RANBP2: variants seen among roughly 807,000 people sequenced by gnomAD.
RANBP2 encodes the protein E3 SUMO-protein ligase RanBP2.
RANBP2 carries 57 observed loss-of-function variants against 303.6 expected under a neutral mutation model. The observed-to-expected ratio is 0.19, with a 90% CI of 0.15 to 0.23. The LOEUF is 0.23. Ranked by LOEUF, RANBP2 falls within the 10% of genes least tolerant of loss-of-function variation. The probability of loss-of-function intolerance (pLI) is 1.00; values close to 1 mark genes in which losing one functional copy is unlikely to be tolerated. For synonymous variants in RANBP2, 1,167 were observed against 1,301.5 expected (o/e 0.90, Z 2.23); for missense variants, 3,138 against 3,780.8 (o/e 0.83, Z 4.46).
At chr2:109,574,762 T>C in the RANBP2 span, 3 of 1,570,634 alleles carry the variant, frequency 1.9e-6, no homozygotes, top group Non-Finnish European at 2.6e-6. Context: ...AACTATTGGT[T>C]GGTAGCTGAA....
At chr2:109,056,848 T>C in the RANBP2 span, among the ~76,000 whole-genome samples, 1 of 152,296 alleles carries the variant, frequency 6.6e-6, no homozygotes, top group Admixed American at 6.5e-5. Context: ...GTAGGAACAG[T>C]TGTACATGGT....
chr2:108,771,656 T>C, intron 20 of RANBP2, 45 bp from the exon 21 acceptor site: 1 of 1,604,208 alleles, frequency 6.2e-7, no homozygotes, highest in Non-Finnish European at 8.5e-7. Context: ...TTAACGTCAA[T>C]ACTTAATACC....
the RANBP2 span, among the ~76,000 whole-genome samples, chr2:109,198,557 T>A: frequency 6.6e-6 from 1 of 152,210 alleles, no homozygotes; most frequent in Non-Finnish European, 1.5e-5. Context: ...TGTTTGTTTC[T>A]CATAGTCCTG....
chr2:109,272,515 A>G, the RANBP2 span, among the ~76,000 whole-genome samples: 1 of 152,180 alleles, frequency 6.6e-6, no homozygotes, highest in Non-Finnish European at 1.5e-5. Flanking sequence ...TGCTGCACTC[A>G]CAGGGGCCGA....
chr2:108,974,268 T>C, the RANBP2 span, among the ~76,000 whole-genome samples: 1 of 138,138 alleles, frequency 7.2e-6, no homozygotes. Context: ...AGGCGGAGCT[T>C]GCAGTGAGCT....
At chr2:109,437,659 A>G in the RANBP2 span, among the ~76,000 whole-genome samples, 1 of 151,736 alleles carries the variant, frequency 6.6e-6, no homozygotes, top group Non-Finnish European at 1.5e-5. Flanking sequence ...CCCTTTCTGA[A>G]GTGCTCTGAG....
At chr2:109,148,616 A>C in the RANBP2 span, among the ~76,000 whole-genome samples, 1 of 152,214 alleles carries the variant, frequency 6.6e-6, no homozygotes, top group Non-Finnish European at 1.5e-5. Flanking sequence ...TGTATAATTA[A>C]AGATGGCATT....
the RANBP2 span, among the ~76,000 whole-genome samples, chr2:108,924,594 T>C: frequency 2.0e-5 from 3 of 152,212 alleles, no homozygotes; most frequent in African/African-American, 7.2e-5. Context: ...CTGACGGTAG[T>C]GCTAAGCAGC....
the RANBP2 span, among the ~76,000 whole-genome samples, chr2:108,924,240 C>T: frequency 6.6e-6 from 1 of 152,254 alleles, no homozygotes; most frequent in African/African-American, 2.4e-5. Context: ...GGCTATATGA[C>T]TGCTCAGGTC....
chr2:109,633,746 G>A, the RANBP2 span, among the ~76,000 whole-genome samples: 10 of 152,198 alleles, frequency 6.6e-5, no homozygotes, highest in Non-Finnish European at 1.5e-4. Flanking sequence ...GAAGCTGGGG[G>A]AAATGAATGA....
At chr2:109,631,224 C>T in the RANBP2 span, among the ~76,000 whole-genome samples, 2 of 151,964 alleles carry the variant, frequency 1.3e-5, no homozygotes, top group East Asian at 3.9e-4. Context: ...CATTCAGCTC[C>T]GAGATAAGGG....
At chr2:109,142,990 C>T in the RANBP2 span, among the ~76,000 whole-genome samples, 1 of 152,014 alleles carries the variant, frequency 6.6e-6, no homozygotes, top group South Asian at 2.1e-4. Context: ...GTCCTGGCTG[C>T]TGGAGTGTGA....
chr2:109,578,782 A>G, the RANBP2 span, among the ~76,000 whole-genome samples: 5 of 152,138 alleles, frequency 3.3e-5, no homozygotes, highest in Non-Finnish European at 7.4e-5. Context: ...AGAAAAAAAA[A>G]AAGAAATTTA....
the RANBP2 span, among the ~76,000 whole-genome samples, chr2:109,389,171 C>T: frequency 6.6e-6 from 1 of 152,218 alleles, no homozygotes; most frequent in African/African-American, 2.4e-5. Flanking sequence ...GACACACAGA[C>T]ATCCAGTCCC....
the RANBP2 span, among the ~76,000 whole-genome samples, chr2:108,860,440 C>G: frequency 6.6e-6 from 1 of 151,658 alleles, no homozygotes; most frequent in Non-Finnish European, 1.5e-5. Context: ...TTCAACTTTT[C>G]CCCATTAAAT....
chr2:109,691,102 G>A, the RANBP2 span, among the ~76,000 whole-genome samples: 1 of 152,170 alleles, frequency 6.6e-6, no homozygotes, highest in African/African-American at 2.4e-5. Flanking sequence ...TCCTGGCACT[G>A]CAGAACTTGA....
chr2:109,460,312 G>C, the RANBP2 span, among the ~76,000 whole-genome samples: 1 of 152,218 alleles, frequency 6.6e-6, no homozygotes, highest in Non-Finnish European at 1.5e-5. Context: ...CTTCCTTGAT[G>C]GAGGTGGTCC....
At chr2:109,405,709 C>T in the RANBP2 span, among the ~76,000 whole-genome samples, 9 of 152,212 alleles carry the variant, frequency 5.9e-5, no homozygotes, top group Admixed American at 4.6e-4. Flanking sequence ...CCCCATGTCA[C>T]CTTTCCACCA....
At chr2:108,984,215 G>A in the RANBP2 span, among the ~76,000 whole-genome samples, 2 of 152,032 alleles carry the variant, frequency 1.3e-5, no homozygotes, top group East Asian at 3.9e-4. Flanking sequence ...TGCCCTTCCT[G>A]CCCTGCACCT....
Sources: gnomAD v4.1 joint callset for allele counts (sites outside exome capture counted in the v4.1 genomes callset) on GRCh38, gnomAD v4.1.1 for gene constraint, MANE v1.5 for transcripts, NCBI Gene and HGNC (gene_info 2026-07-23, HGNC 2026-07-21) for gene names.